INPP5F: variants seen among roughly 807,000 people sequenced by gnomAD.
INPP5F encodes phosphatidylinositide 4-phosphatase SAC2.
INPP5F carries 97 observed loss-of-function variants against 137.2 expected under a neutral mutation model. The observed-to-expected ratio is 0.71, with a 90% CI of 0.60 to 0.84. INPP5F has a LOEUF of 0.84. Ranked by LOEUF, INPP5F falls within the 40% of genes least tolerant of loss-of-function variation. INPP5F has a pLI of 0.00. For missense variants in INPP5F, 1,271 were observed against 1,371.9 expected (o/e 0.93, Z 1.16); for synonymous variants, 504 against 476.9 (o/e 1.06, Z -0.74).
Position 119,827,038 on chromosome 10 carries a change from A to G in INPP5F, c.2657A>G (p.Asp886Gly). 6.2e-7 allele frequency: 1 copy of G among 1,614,034 alleles called. No individual in the cohort carries two copies. Among genetic ancestry groups the G allele is most frequent in the Non-Finnish European group, 8.5e-7 (1 of 1,179,992 alleles). ...TCATTAGAGAGTGTAGGGCCAATAG[A>G]TTACGTTCTTCCTAGTTGTGGTATT... ...ANSLESVGPI[D>G]YVLPSCGIIA... Residue 886 changes from aspartate (D) to glycine (G), a missense_variant, in exon 20 of 20, where the codon GAT becomes GGT. Around this residue, in one of 6 missense-constraint regions of INPP5F, gnomAD observed 490 missense variants for 443.7 expected, o/e 1.10. Coordinates refer to ENST00000650623, the MANE Select transcript of INPP5F (RefSeq NM_014937.4).
rs765436662 is a variant in INPP5F, at chr10:119,796,895, C to T, written c.850C>T (p.Arg284Ter). The change falls in exon 7 of 20, where the codon CGA becomes TGA. Residue 284 changes from arginine to a stop codon, truncating the protein, a stop_gained. Coordinates refer to ENST00000650623, the MANE Select transcript of INPP5F (RefSeq NM_014937.4). LOFTEE classifies it high-confidence loss of function. ...PRFLVALISR[R>*]SRHRAGMRYK... ...ATTTCTAGTGGCTCTCATTTCACGCCGAAGTAGGCACAGAGCAGGTGAGTG... is the reference window on the plus strand; with the variant it reads ...ATTTCTAGTGGCTCTCATTTCACGCTGAAGTAGGCACAGAGCAGGTGAGTG... 2 of 1,613,872 alleles carry T rather than the reference C, an allele frequency of 1.2e-6. No individual in the cohort carries two copies. The highest frequency in any genetic ancestry group is 8.5e-7 in the Non-Finnish European group (1 of 1,179,868).
intron 9 of INPP5F, among the ~76,000 whole-genome samples, chr10:119,800,141 T>G (rs2134230873): frequency 6.6e-6 from 1 of 151,980 alleles, no homozygotes; most frequent in Middle Eastern, 3.4e-3. Flanking sequence ...TTTGGCTTTA[T>G]TAAAATAAAA....
At chr10:119,809,309 T>C (rs890078609) in intron 13 of INPP5F, among the ~76,000 whole-genome samples, 5 of 151,962 alleles carry the variant, frequency 3.3e-5, no homozygotes, top group African/African-American at 1.2e-4. Context: ...GATTTTAAAC[T>C]TCTTCGGGAT....
At chr10:119,797,419 T>C (rs1344905114) in intron 7 of INPP5F, 42 bp from the exon 8 acceptor site, 1 of 1,472,996 alleles carries the variant, frequency 6.8e-7, no homozygotes, top group Admixed American at 2.0e-5. Context: ...ACTAAATAAA[T>C]TTTTTAAAAT....
At position 119,765,880 on chromosome 10, in the gene INPP5F, TAGAGAG is replaced by T. The variant is rs3065469; in HGVS notation, c.178+14738_178+14743del. 6.0e-4 allele frequency among the ~76,000 whole-genome samples: 87 copies of T among 144,206 alleles called. 1 individual carries two copies. Among genetic ancestry groups the T allele is most frequent in the East Asian group, 1.0e-3 (5 of 5,022 alleles). The allele number at this position is 144,206 out of a possible 152,430, so 94.6% of individuals were successfully genotyped here. On this transcript the variant is annotated intron_variant, in intron 2 of 19. Transcript: ENST00000650623. ...ACACTATATACTATATATATATATA[TAGAGAG>T]AGAGAGAGAGAGACGGAGATTTAAC...
chr10:119,823,274 A>G, intron 18 of INPP5F, 75 bp downstream of exon 18: 1 of 1,405,486 alleles, frequency 7.1e-7, no homozygotes, highest in Non-Finnish European at 9.8e-7. Context: ...GGAATTGGGG[A>G]CATTTCATAT....
Position 119,823,001 on chromosome 10 carries a change from CTT to C in INPP5F, c.2033-66_2033-65del, listed in dbSNP as rs1851621777. On this transcript the variant is annotated intron_variant, in intron 17 of 19. Transcript: ENST00000650623. ...TATTATGAAGAAAAATGTGTTGGGTCTTTTTAAGATAATAGAAGAAAATGTTA... is the reference window on the plus strand; with the variant it reads ...TATTATGAAGAAAAATGTGTTGGGTCTTTAAGATAATAGAAGAAAATGTTA... 119 of 1,446,598 alleles carry C rather than the reference CTT, an allele frequency of 8.2e-5. 2 individuals carry two copies. The South Asian group carries it at 1.6e-3, about 19-fold the overall frequency. 89.6% of individuals were successfully genotyped at this position (1,446,598 alleles called of 1,614,324 possible).
chr10:119,737,516 C>G (rs1374032055), intron 1 of INPP5F, among the ~76,000 whole-genome samples: 5 of 152,146 alleles, frequency 3.3e-5, no homozygotes, highest in Admixed American at 2.6e-4. Context: ...TATAAAGCTC[C>G]TAGATGATGA....
At chr10:119,770,114 T>C (rs565567631) in intron 2 of INPP5F, among the ~76,000 whole-genome samples, 2 of 152,326 alleles carry the variant, frequency 1.3e-5, no homozygotes, top group South Asian at 4.1e-4. Flanking sequence ...CTTTTCAAGA[T>C]AATCACTTCC....
At chr10:119,762,320 C>T (rs893532434) in intron 2 of INPP5F, among the ~76,000 whole-genome samples, 1 of 152,184 alleles carries the variant, frequency 6.6e-6, no homozygotes, top group Non-Finnish European at 1.5e-5. Flanking sequence ...TGGTGAGGGG[C>T]TGCCTTTTAT....
At chr10:119,802,357 G>T (rs1357942993) in intron 9 of INPP5F, among the ~76,000 whole-genome samples, 1 of 152,146 alleles carries the variant, frequency 6.6e-6, no homozygotes, top group Non-Finnish European at 1.5e-5. Flanking sequence ...ATGGTATTGG[G>T]AATCACTATT....
At chr10:119,736,705 AT>A (rs1848225435) in intron 1 of INPP5F, among the ~76,000 whole-genome samples, 1 of 152,172 alleles carries the variant, frequency 6.6e-6, no homozygotes, top group Non-Finnish European at 1.5e-5. Context: ...CATATAGAGA[AT>A]CAACAATTTT....
At chr10:119,770,553 G>A (rs1288950773) in intron 2 of INPP5F, among the ~76,000 whole-genome samples, 1 of 152,136 alleles carries the variant, frequency 6.6e-6, no homozygotes, top group Non-Finnish European at 1.5e-5. Flanking sequence ...GGACATCTCA[G>A]GCTTTTTATG....
chr10:119,826,286 C>A (rs1851754658), intron 19 of INPP5F, among the ~76,000 whole-genome samples: 1 of 152,168 alleles, frequency 6.6e-6, no homozygotes, highest in Non-Finnish European at 1.5e-5. Context: ...TTATAGAACA[C>A]CACACATTGC....
chr10:119,797,510 TTA>T lies in INPP5F; in HGVS notation c.920_921del (p.Tyr307CysfsTer4). The T allele has an allele frequency of 6.2e-7, 1 of 1,612,696 alleles. No homozygotes were observed. The highest frequency in any genetic ancestry group is 8.5e-7 in the Non-Finnish European group (1 of 1,179,236). ...TGGATAAAAATGGAAATGTTGCCAATTATGTGGAGACTGAGCAGTTGATTCAT... is the reference window on the plus strand; with the variant it reads ...TGGATAAAAATGGAAATGTTGCCAATTGTGGAGACTGAGCAGTTGATTCAT... ...GVDKNGNVAN[Y>X]VETEQLIHVH... On this transcript the variant is annotated frameshift_variant, in exon 8 of 20. Transcript: ENST00000650623. LOFTEE classifies it high-confidence loss of function.
At chr10:119,727,509 G>T (rs535963676) in intron 1 of INPP5F, among the ~76,000 whole-genome samples, 5 of 152,094 alleles carry the variant, frequency 3.3e-5, no homozygotes, top group Admixed American at 6.6e-5. Flanking sequence ...TAACTCGTTC[G>T]GGGTCACAGC....
intron 2 of INPP5F, among the ~76,000 whole-genome samples, chr10:119,768,903 T>G (rs551695060): frequency 6.6e-6 from 1 of 152,322 alleles, no homozygotes; most frequent in Non-Finnish European, 1.5e-5. Context: ...GCTGTGAACA[T>G]AAGTCATTTT....
At chr10:119,789,530 A>C (rs1009357072) in intron 3 of INPP5F, among the ~76,000 whole-genome samples, 6 of 151,932 alleles carry the variant, frequency 3.9e-5, no homozygotes, top group Non-Finnish European at 7.4e-5. Context: ...AAGGGGAGTG[A>C]TGGTCGTGAA....
chr10:119,782,722 G>C (rs968822931), intron 3 of INPP5F, among the ~76,000 whole-genome samples: 6 of 152,170 alleles, frequency 3.9e-5, no homozygotes, highest in Non-Finnish European at 7.3e-5. Context: ...GGCCTGGCAA[G>C]GGTTAAGTCA....
Sources: gnomAD v4.1 joint callset for allele counts (sites outside exome capture counted in the v4.1 genomes callset) on GRCh38, gnomAD v4.1.1 for gene constraint, gnomAD v4.1.1 regional missense constraint, MANE v1.5 for transcripts, NCBI Gene and HGNC (gene_info 2026-07-23, HGNC 2026-07-21) for gene names.